Variants in EXO1 observed in about 807,000 individuals in gnomAD.
EXO1 encodes exonuclease 1.
In EXO1, 69 loss-of-function variants were observed where a neutral mutation model predicts 84.5. That is an observed-to-expected ratio of 0.82 (90% CI 0.67 to 1.00). The LOEUF (loss-of-function observed/expected upper bound fraction) is 1.00, where lower values mean the gene tolerates loss of function less well. EXO1 is among the 50% of genes least tolerant of loss of function. The pLI, the probability that EXO1 is intolerant of heterozygous loss-of-function variation, is 0.00. For synonymous variants in EXO1, 373 were observed against 366.1 expected, an observed-to-expected ratio of 1.02 and a Z score of -0.21; for missense variants, 1,045 against 1,000.7, an observed-to-expected ratio of 1.04 and a Z score of -0.60.
Position 241,889,634 on chromosome 1 carries a change from G to A in EXO1, c.*34G>A, listed in dbSNP as rs766954778. The A allele has an allele frequency of 6.2e-6, 10 of 1,610,816 alleles. No individual in the cohort carries two copies. Among genetic ancestry groups the A allele is most frequent in the Non-Finnish European group, 8.5e-6 (10 of 1,177,200 alleles). ...TGCTGCAAAGCTTTTGCCTGCAAGA[G>A]AATCTGATCAATTTGAAGTCCCTGT... On this transcript the variant is annotated 3_prime_UTR_variant, in exon 16 of 16. Transcript: ENST00000366548.
At position 241,885,344 on chromosome 1, in the gene EXO1, G is replaced by C; in HGVS notation, c.2242G>C (p.Asp748His). 1 of 1,613,884 alleles carries C rather than the reference G, an allele frequency of 6.2e-7. No homozygotes were observed. Among genetic ancestry groups the C allele is most frequent in the Admixed American group, 1.7e-5 (1 of 60,004 alleles). The change falls in exon 15 of 16, where the codon GAC becomes CAC. Residue 748 changes from aspartate to histidine, a missense_variant. Coordinates refer to ENST00000366548, the MANE Select transcript of EXO1 (RefSeq NM_130398.4). ...VPGLYKSSSA[D>H]SLSTTKIKPL... ...TGGGCTATATAAGTCCAGTTCTGCA[G>C]ACTCTCTTTCTACAACCAAGATCAA...
At chr1:241,856,007 A>G (rs1661009101) in intron 6 of EXO1, among the ~76,000 whole-genome samples, 1 of 152,186 alleles carries the variant, frequency 6.6e-6, no homozygotes, top group African/African-American at 2.4e-5. Flanking sequence ...GGCCTTGGCC[A>G]GCCCAGAAAG....
At chr1:241,876,972 T>C (rs922714353) in intron 12 of EXO1, among the ~76,000 whole-genome samples, 5 of 152,222 alleles carry the variant, frequency 3.3e-5, no homozygotes, top group African/African-American at 9.7e-5. Context: ...TGAAGGTAAA[T>C]AGAAACTGCG....
At chr1:241,862,233 T>A (rs1269402368) in intron 10 of EXO1, among the ~76,000 whole-genome samples, 1 of 152,228 alleles carries the variant, frequency 6.6e-6, no homozygotes, top group East Asian at 1.9e-4. Context: ...CCACCACTCC[T>A]AGCCGCGATT....
chr1:241,872,789 A>G lies in EXO1; in HGVS notation c.1514+511A>G, dbSNP rs1490316101. Among the ~76,000 whole-genome samples, 4 of 152,244 alleles carry G rather than the reference A, an allele frequency of 2.6e-5. No homozygotes were observed. In the South Asian group the frequency reaches 6.2e-4, roughly 24 times the overall value. ...TTTGGGTTGGTTCCAAGTCTTTGCTATTGTGAATAGTGCTGCAATAAACAT... is the reference window on the plus strand; with the variant it reads ...TTTGGGTTGGTTCCAAGTCTTTGCTGTTGTGAATAGTGCTGCAATAAACAT... On this transcript the variant is annotated intron_variant, in intron 12 of 15. Transcript: ENST00000366548.
chr1:241,880,188 T>C (rs1662674133), intron 13 of EXO1, among the ~76,000 whole-genome samples: 1 of 152,106 alleles, frequency 6.6e-6, no homozygotes, highest in Non-Finnish European at 1.5e-5. Flanking sequence ...TAGAAGACTG[T>C]CTGTTTCTCT....
intron 12 of EXO1, 66 bp downstream of exon 12, chr1:241,872,344 T>C: frequency 6.4e-7 from 1 of 1,551,768 alleles, no homozygotes; most frequent in Non-Finnish European, 8.9e-7. Flanking sequence ...ATTTATTTTG[T>C]CTTTTTTTAG....
At chr1:241,884,674 T>TGTGTGTGTGCGCAC (rs67560872) in intron 14 of EXO1, among the ~76,000 whole-genome samples, 1 of 149,582 alleles carries the variant, frequency 6.7e-6, no homozygotes, top group African/African-American at 2.5e-5. Context: ...TGTGTGTGTG[T>TGTGTGTGTGCGCAC]GTGCACGTGC....
At chr1:241,857,017 C>T (rs1661087669) in intron 6 of EXO1, among the ~76,000 whole-genome samples, 1 of 152,150 alleles carries the variant, frequency 6.6e-6, no homozygotes, top group South Asian at 2.1e-4. Flanking sequence ...GCCACTCCAG[C>T]CTGGGTGACA....
rs779548455 is a variant in EXO1, at chr1:241,850,631, A to G, written c.161+45A>G. ...TAATTCTTTGACAATTAAGAATGAG[A>G]CCTACAGTGCCTTTTTTTCTCCCCC... On this transcript the variant is annotated intron_variant, in intron 4 of 15. Coordinates refer to ENST00000366548, the MANE Select transcript of EXO1 (RefSeq NM_130398.4). 39 of 1,520,024 alleles carry G rather than the reference A, an allele frequency of 2.6e-5. No homozygotes were observed. In the South Asian group the frequency reaches 4.2e-4, roughly 16 times the overall value. The allele number at this position is 1,520,024 out of a possible 1,614,324, so 94.2% of individuals were successfully genotyped here.
chr1:241,885,650 G>A, intron 15 of EXO1, 143 bp downstream of exon 15: 1 of 720,982 alleles, frequency 1.4e-6, no homozygotes, highest in South Asian at 1.4e-5. Context: ...CTTCCCTTTA[G>A]CTAACTCTTT....
chr1:241,850,623 A>T (rs1343712379), intron 4 of EXO1, 37 bp downstream of exon 4: 1 of 1,571,682 alleles, frequency 6.4e-7, no homozygotes, highest in Non-Finnish European at 8.7e-7. Flanking sequence ...TTGACAATTA[A>T]GAATGAGACC....
At chr1:241,873,926 G>A (rs75544135) in intron 12 of EXO1, among the ~76,000 whole-genome samples, 2 of 152,080 alleles carry the variant, frequency 1.3e-5, no homozygotes, top group Non-Finnish European at 2.9e-5. Context: ...GTGTAAAGAT[G>A]GGGGGCAGCA....
Position 241,889,798 on chromosome 1 carries a change from A to T in EXO1, c.*198A>T. ...GCTTTTTATATTTTTATAAGAAGCT[A>T]AATAGAAGAATAATTGTATCTCTGA... On this transcript the variant is annotated 3_prime_UTR_variant, in exon 16 of 16. Coordinates refer to ENST00000366548, the MANE Select transcript of EXO1 (RefSeq NM_130398.4). The T allele has an allele frequency of 1.7e-6, 1 of 587,476 alleles. No individual in the cohort carries two copies. The highest frequency in any genetic ancestry group is 3.0e-6 in the Non-Finnish European group (1 of 333,472). The allele number at this position is 587,476 out of a possible 1,614,324, so 36.4% of individuals were successfully genotyped here.
intron 11 of EXO1, among the ~76,000 whole-genome samples, chr1:241,868,964 T>C (rs1661919697): frequency 6.6e-6 from 1 of 152,232 alleles, no homozygotes; most frequent in African/African-American, 2.4e-5. Context: ...TCACGTCACG[T>C]ATTAGTTCTA....
In EXO1 at chr1:241,882,022, A is replaced by G. The variant is rs1213592927; in HGVS notation, c.2211+5A>G. ...GACACACCTCTAAGGAACAAGGTAAAACATTTATTTAATTTTTTTTTTAAT... is the reference window on the plus strand; with the variant it reads ...GACACACCTCTAAGGAACAAGGTAAGACATTTATTTAATTTTTTTTTTAAT... On this transcript the variant is annotated splice_donor_5th_base_variant and intron_variant, in intron 14 of 15. Transcript: ENST00000366548. 1 of 1,379,888 alleles carries G rather than the reference A, an allele frequency of 7.2e-7. No individual in the cohort carries two copies. The highest frequency in any genetic ancestry group is 1.2e-5 in the South Asian group (1 of 84,198). The allele number at this position is 1,379,888 out of a possible 1,614,324, so 85.5% of individuals were successfully genotyped here. A position where few individuals can be genotyped will look rare whatever the true frequency, so the allele number is the denominator to read the frequency against.
intron 10 of EXO1, 34 bp from the exon 11 acceptor site, chr1:241,866,796 T>A: frequency 7.1e-7 from 1 of 1,417,244 alleles, no homozygotes; most frequent in Non-Finnish European, 1.0e-6. Flanking sequence ...TTATTTTCTT[T>A]CTGCAAATAA....
Position 241,879,159 on chromosome 1 carries a change from C to G in EXO1, c.1925C>G (p.Ser642Cys), listed in dbSNP as rs1662590820. 2 of 1,608,290 alleles carry G rather than the reference C, an allele frequency of 1.2e-6. No homozygotes were observed. The highest frequency in any genetic ancestry group is 1.7e-6 in the Non-Finnish European group (2 of 1,175,054). ...QFRRKSDSPT[S>C]LPENNMSDVS... ...CGAAGAAAGAGCGATTCCCCCACCT[C>G]TTTGCCTGAGAATAATATGTCTGAT... The change falls in exon 13 of 16, where the codon TCT (serine) becomes TGT (cysteine). Residue 642 changes from serine (S) to cysteine (C), a missense_variant. Physicochemically the swap from Ser to Cys is moderately radical, Grantham distance 112. Transcript: ENST00000366548.
intron 11 of EXO1, among the ~76,000 whole-genome samples, chr1:241,871,151 T>C (rs1662066613): frequency 6.6e-6 from 1 of 152,230 alleles, no homozygotes; most frequent in Non-Finnish European, 1.5e-5. Flanking sequence ...CACTTGTTTT[T>C]CTTCTTCTGC....
Sources: gnomAD v4.1 joint callset for allele counts (sites outside exome capture counted in the v4.1 genomes callset) on GRCh38, gnomAD v4.1.1 for gene constraint, MANE v1.5 for transcripts, NCBI Gene and HGNC (gene_info 2026-07-23, HGNC 2026-07-21) for gene names.